Variants in LINGO2 observed in about 807,000 individuals in gnomAD.
LINGO2 encodes the protein leucine-rich repeat and immunoglobulin-like domain-containing nogo receptor-interacting protein 2.
Under a neutral mutation model 30.6 loss-of-function variants are expected in LINGO2, and 14 were observed. The observed-to-expected ratio is 0.46, with a 90% CI of 0.30 to 0.72. LINGO2 has a LOEUF of 0.72. Ranked by LOEUF, LINGO2 falls within the 30% of genes least tolerant of loss-of-function variation. LINGO2 has a pLI of 0.07. For missense variants in LINGO2, 729 were observed against 751.7 expected, an observed-to-expected ratio of 0.97 and a Z score of 0.35; for synonymous variants, 317 against 288.5, an observed-to-expected ratio of 1.10 and a Z score of -1.00.
chr9:28,284,119 C>T (rs185318727), intron 4 of LINGO2, among the ~76,000 whole-genome samples: 100 of 152,232 alleles, frequency 6.6e-4, no homozygotes, highest in Non-Finnish European at 1.2e-3. Flanking sequence ...GTGCTACTTT[C>T]CCAACTGCAG....
chr9:28,735,930 AT>A, the LINGO2 span, among the ~76,000 whole-genome samples: 1 of 152,180 alleles, frequency 6.6e-6, no homozygotes, highest in Non-Finnish European at 1.5e-5. Context: ...AAAAGGTGTT[AT>A]TTTTGTTATC....
At chr9:28,170,536 C>T (rs1828553247) in intron 4 of LINGO2, among the ~76,000 whole-genome samples, 2 of 152,148 alleles carry the variant, frequency 1.3e-5, no homozygotes, top group African/African-American at 4.8e-5. Context: ...GCCTCTACTT[C>T]TGGAATCAAT....
chr9:28,412,201 A>C (rs940428778), intron 2 of LINGO2, among the ~76,000 whole-genome samples: 17 of 146,242 alleles, frequency 1.2e-4, no homozygotes, highest in Admixed American at 4.1e-4. Context: ...AAAAAAAAAA[A>C]AAAACCTTGT....
chr9:28,060,669 G>C (rs2133120938), intron 4 of LINGO2, among the ~76,000 whole-genome samples: 1 of 152,222 alleles, frequency 6.6e-6, no homozygotes, highest in South Asian at 2.1e-4. Flanking sequence ...TGTAGAGATG[G>C]TAAACTTTCT....
chr9:28,983,528 T>C, the LINGO2 span, among the ~76,000 whole-genome samples: 2 of 151,868 alleles, frequency 1.3e-5, no homozygotes, highest in African/African-American at 2.4e-5. Context: ...TAGAGCATAG[T>C]CAAATATTTG....
the LINGO2 span, among the ~76,000 whole-genome samples, chr9:28,741,178 G>A: frequency 6.6e-6 from 1 of 152,008 alleles, no homozygotes; most frequent in Non-Finnish European, 1.5e-5. Flanking sequence ...GATAGACCTG[G>A]ATTGTGTCTG....
chr9:28,009,580 ATT>A (rs1229907855), intron 5 of LINGO2, among the ~76,000 whole-genome samples: 1 of 152,196 alleles, frequency 6.6e-6, no homozygotes. Flanking sequence ...TCCCAAGAAG[ATT>A]TTAAAATGAC....
At chr9:28,039,795 A>G (rs549432909) in intron 4 of LINGO2, among the ~76,000 whole-genome samples, 1 of 152,350 alleles carries the variant, frequency 6.6e-6, no homozygotes, top group South Asian at 2.1e-4. Flanking sequence ...CTTAATAGAC[A>G]CAAATGCCAG....
chr9:28,108,607 C>T lies in LINGO2; in HGVS notation c.-86-96202G>A, dbSNP rs147741151. 1.8e-3 allele frequency among the ~76,000 whole-genome samples: 280 copies of T among 152,180 alleles called. 4 individuals are homozygous for T. The South Asian group carries it at 0.039, about 21-fold the overall frequency. On this transcript the variant is annotated intron_variant, in intron 4 of 5. Transcript: ENST00000379992. ...CTGAGCTAGAGGCCTCTTAGTACTTCCCTCTTTACTTTTCCTGTTAGGTTT... is the reference window on the plus strand; with the variant it reads ...CTGAGCTAGAGGCCTCTTAGTACTTTCCTCTTTACTTTTCCTGTTAGGTTT...
intron 4 of LINGO2, among the ~76,000 whole-genome samples, chr9:28,178,646 A>G (rs562311165): frequency 6.6e-6 from 1 of 152,292 alleles, no homozygotes; most frequent in South Asian, 2.1e-4. Context: ...TAAAGTTGAC[A>G]CTGAAAGTTA....
the LINGO2 span, among the ~76,000 whole-genome samples, chr9:29,187,502 T>C: frequency 6.6e-6 from 1 of 152,208 alleles, no homozygotes; most frequent in South Asian, 2.1e-4. Context: ...TTGTGCCTAG[T>C]TCATAGAAAT....
At chr9:29,095,189 C>G in the LINGO2 span, among the ~76,000 whole-genome samples, 1 of 138,298 alleles carries the variant, frequency 7.2e-6, no homozygotes, top group Non-Finnish European at 1.6e-5. Flanking sequence ...CTATTCTATA[C>G]TTTGATAAAT....
At chr9:28,444,740 C>T (rs539805781) in intron 2 of LINGO2, among the ~76,000 whole-genome samples, 8 of 152,288 alleles carry the variant, frequency 5.3e-5, no homozygotes, top group South Asian at 2.1e-4. Context: ...GCACCTGTGC[C>T]GGTGCCTGAA....
intron 1 of LINGO2, among the ~76,000 whole-genome samples, chr9:28,639,538 C>G (rs1369439428): frequency 1.3e-5 from 2 of 152,146 alleles, no homozygotes; most frequent in Non-Finnish European, 2.9e-5. Flanking sequence ...GGATAGTTAG[C>G]TCTTCTTGTT....
At chr9:28,740,904 T>C in the LINGO2 span, among the ~76,000 whole-genome samples, 119 of 152,144 alleles carry the variant, frequency 7.8e-4, no homozygotes, top group Non-Finnish European at 1.5e-3. Flanking sequence ...TCTAACTGAA[T>C]TGTATCTAGC....
chr9:28,554,281 T>G (rs1050025834), intron 1 of LINGO2, among the ~76,000 whole-genome samples: 2 of 149,716 alleles, frequency 1.3e-5, no homozygotes, highest in African/African-American at 4.9e-5. Flanking sequence ...ACACATAGGC[T>G]CAAAATAAAA....
chr9:28,361,575 G>GTCA (rs1033363730), intron 3 of LINGO2, among the ~76,000 whole-genome samples: 1 of 151,800 alleles, frequency 6.6e-6, no homozygotes, highest in African/African-American at 2.4e-5. Flanking sequence ...TCCCTAATGA[G>GTCA]TCATGACCTG....
the LINGO2 span, among the ~76,000 whole-genome samples, chr9:29,031,705 A>G: frequency 6.6e-6 from 1 of 152,172 alleles, no homozygotes; most frequent in Non-Finnish European, 1.5e-5. Context: ...TTATTTTTAA[A>G]TAAAAATGGA....
At chr9:29,067,770 A>C in the LINGO2 span, among the ~76,000 whole-genome samples, 295 of 139,554 alleles carry the variant, frequency 2.1e-3, 1 homozygote, top group Admixed American at 9.0e-3. Context: ...AAAAAAAAAA[A>C]CCCACTAGGG....
Sources: gnomAD v4.1 joint callset for allele counts (sites outside exome capture counted in the v4.1 genomes callset) on GRCh38, gnomAD v4.1.1 for gene constraint, MANE v1.5 for transcripts, NCBI Gene and HGNC (gene_info 2026-07-23, HGNC 2026-07-21) for gene names.